Variants in MALRD1 observed in about 807,000 individuals in gnomAD.
The protein encoded by MALRD1 is MAM and LDL-receptor class A domain-containing protein 1.
Under a neutral mutation model 242.1 loss-of-function variants are expected in MALRD1, and 247 were observed. That is an observed-to-expected ratio of 1.02 (90% CI 0.92 to 1.13). The LOEUF (loss-of-function observed/expected upper bound fraction) is 1.13, where lower values mean the gene tolerates loss of function less well. Among genes scored for constraint, MALRD1 ranks in the 50% most tolerant of loss-of-function variants. The pLI is 0.00. For missense variants in MALRD1, 2,989 were observed against 2,533.1 expected (o/e 1.18, Z -3.86); for synonymous variants, 995 against 866.6 (o/e 1.15, Z -2.60).
chr10:19,477,368 G>A (rs1010888427), intron 29 of MALRD1, among the ~76,000 whole-genome samples: 3 of 152,224 alleles, frequency 2.0e-5, no homozygotes, highest in South Asian at 2.1e-4. Context: ...ATCATTCAAA[G>A]TTACTTGGGG....
At chr10:19,536,350 C>CT (rs71870185) in intron 32 of MALRD1, among the ~76,000 whole-genome samples, 101,800 of 145,558 alleles carry the variant, frequency 0.7, 38,377 homozygotes, top group Non-Finnish European at 0.84. Context: ...TTTTTCTTTT[C>CT]TTTTTTTTTT....
chr10:19,687,615 A>G (rs943690647), intron 36 of MALRD1, among the ~76,000 whole-genome samples: 1 of 152,142 alleles, frequency 6.6e-6, no homozygotes, highest in African/African-American at 2.4e-5. Context: ...AAAATACCCA[A>G]CACACCACTT....
chr10:19,129,826 A>C (rs1837396804), intron 8 of MALRD1, among the ~76,000 whole-genome samples: 1 of 149,382 alleles, frequency 6.7e-6, no homozygotes, highest in African/African-American at 2.4e-5. Context: ...TTACATCTAT[A>C]TGTATGTGAG....
chr10:19,733,530 G>A (rs1182950784), intron 39 of MALRD1, among the ~76,000 whole-genome samples: 1 of 151,828 alleles, frequency 6.6e-6, no homozygotes, highest in Non-Finnish European at 1.5e-5. Context: ...TTGGGGTTTT[G>A]TGTTGTTGCT....
At chr10:19,117,723 C>T (rs1256666322) in intron 5 of MALRD1, among the ~76,000 whole-genome samples, 1 of 152,078 alleles carries the variant, frequency 6.6e-6, no homozygotes, top group Admixed American at 6.6e-5. Flanking sequence ...TTGTAAACTC[C>T]CATTATGAGA....
At chr10:19,362,835 A>G (rs561144663) in intron 26 of MALRD1, among the ~76,000 whole-genome samples, 2 of 152,266 alleles carry the variant, frequency 1.3e-5, no homozygotes, top group African/African-American at 4.8e-5. Flanking sequence ...AAGTTATGCA[A>G]GCAAGAAATG....
At chr10:19,184,434 T>G (rs1023983856) in intron 14 of MALRD1, among the ~76,000 whole-genome samples, 1 of 152,224 alleles carries the variant, frequency 6.6e-6, no homozygotes, top group African/African-American at 2.4e-5. Context: ...CCTCATCATT[T>G]TTGAAAGCTT....
At chr10:19,459,448 C>T (rs1191427008) in intron 29 of MALRD1, among the ~76,000 whole-genome samples, 1 of 152,076 alleles carries the variant, frequency 6.6e-6, no homozygotes, top group African/African-American at 2.4e-5. Flanking sequence ...GACTTCATTG[C>T]CATGATCAAC....
chr10:19,665,982 G>A (rs1841667124), intron 36 of MALRD1, among the ~76,000 whole-genome samples: 1 of 151,526 alleles, frequency 6.6e-6, no homozygotes, highest in Non-Finnish European at 1.5e-5. Context: ...CTGGTTATAT[G>A]TTCACAAGTC....
chr10:19,199,801 C>CAGAT lies in MALRD1; in HGVS notation c.1952-3926_1952-3925insGATA, dbSNP rs1564461331. 3.5e-4 allele frequency among the ~76,000 whole-genome samples: 49 copies of CAGAT among 138,374 alleles called. No individual in the cohort carries two copies. The East Asian group carries it at 0.01, about 28-fold the overall frequency. The allele number at this position is 138,374 out of a possible 152,430, so 90.8% of individuals were successfully genotyped here. On this transcript the variant is annotated intron_variant, in intron 14 of 39. Transcript: ENST00000454679. ...GGGGTATAGAGCAAGACTCTGTCTC[C>CAGAT]AAATAAATAAATAAATAAAATAAAA...
intron 24 of MALRD1, among the ~76,000 whole-genome samples, chr10:19,333,942 C>A (rs370976824): frequency 3.3e-5 from 5 of 151,844 alleles, no homozygotes; most frequent in African/African-American, 1.2e-4. Flanking sequence ...CCTTGTTTGT[C>A]TTCTTTTGAA....
intron 10 of MALRD1, 91 bp downstream of exon 10, chr10:19,136,872 G>GT: frequency 1.2e-6 from 1 of 865,074 alleles, no homozygotes; most frequent in Non-Finnish European, 1.5e-6. Context: ...CAAGGCAAAG[G>GT]TAAGTCATAT....
At chr10:19,297,532 T>C (rs1841763660) in intron 21 of MALRD1, among the ~76,000 whole-genome samples, 1 of 151,930 alleles carries the variant, frequency 6.6e-6, no homozygotes, top group Admixed American at 6.6e-5. Context: ...TCTTTATATA[T>C]ATAGTTACAC....
At chr10:19,709,631 C>T (rs913078942) in intron 38 of MALRD1, among the ~76,000 whole-genome samples, 1 of 152,012 alleles carries the variant, frequency 6.6e-6, no homozygotes, top group Admixed American at 6.6e-5. Flanking sequence ...CCTAAGTATT[C>T]CCTAGTTGCA....
intron 26 of MALRD1, among the ~76,000 whole-genome samples, chr10:19,356,506 C>T (rs1015840064): frequency 2.0e-5 from 3 of 152,026 alleles, no homozygotes; most frequent in African/African-American, 7.2e-5. Flanking sequence ...TCGATCTACC[C>T]AAATTTTAGC....
chr10:19,172,453 A>G (rs1835053889), intron 13 of MALRD1, among the ~76,000 whole-genome samples: 1 of 151,784 alleles, frequency 6.6e-6, no homozygotes. Flanking sequence ...ACCTAATATT[A>G]TTTTTATTTG....
intron 23 of MALRD1, among the ~76,000 whole-genome samples, chr10:19,330,857 AT>A (rs953873580): frequency 5.4e-5 from 8 of 149,508 alleles, no homozygotes; most frequent in South Asian, 2.1e-4. Flanking sequence ...GATGTGTACA[AT>A]TTAAAAAAAA....
At chr10:19,720,240 C>T (rs1412943993) in intron 38 of MALRD1, among the ~76,000 whole-genome samples, 1 of 152,186 alleles carries the variant, frequency 6.6e-6, no homozygotes, top group African/African-American at 2.4e-5. Context: ...AATCTCTCCT[C>T]CCTCCTTGCC....
intron 33 of MALRD1, among the ~76,000 whole-genome samples, chr10:19,588,201 C>G (rs1232838883): frequency 6.6e-6 from 1 of 151,892 alleles, no homozygotes; most frequent in Non-Finnish European, 1.5e-5. Flanking sequence ...TATGCTTTTA[C>G]TATTTATGAT....
Sources: gnomAD v4.1 joint callset for allele counts (sites outside exome capture counted in the v4.1 genomes callset) on GRCh38, gnomAD v4.1.1 for gene constraint, MANE v1.5 for transcripts, NCBI Gene and HGNC (gene_info 2026-07-23, HGNC 2026-07-21) for gene names.